The following EPHA6 variants were observed in gnomAD, a reference collection of about 807,000 sequenced individuals.
The protein encoded by EPHA6 is EPH receptor A6.
EPHA6 carries 50 observed loss-of-function variants against 112.0 expected under a neutral mutation model. The ratio of observed to expected loss-of-function variants is 0.45; its 90% CI spans 0.36 to 0.56. EPHA6 has a LOEUF of 0.56. Ranked by LOEUF, EPHA6 falls within the 20% of genes least tolerant of loss-of-function variation. The probability of loss-of-function intolerance (pLI) is 0.00; values close to 1 mark genes in which losing one functional copy is unlikely to be tolerated. For synonymous variants in EPHA6, 529 were observed against 490.7 expected (o/e 1.08, Z -1.03); for missense variants, 1,280 against 1,417.4 (o/e 0.90, Z 1.56).
intron 2 of EPHA6, among the ~76,000 whole-genome samples, chr3:96,877,800 C>T (rs572254918): frequency 5.5e-4 from 84 of 151,830 alleles, no homozygotes; most frequent in Middle Eastern, 3.4e-3. Context: ...TTAACTTAGT[C>T]TTCTTCTTCC....
At chr3:97,608,366 G>T (rs528397108) in intron 12 of EPHA6, among the ~76,000 whole-genome samples, 1 of 151,348 alleles carries the variant, frequency 6.6e-6, no homozygotes, top group East Asian at 1.9e-4. Flanking sequence ...ACTCCAGAGT[G>T]AGTTTCTTAG....
intron 6 of EPHA6, among the ~76,000 whole-genome samples, chr3:97,434,687 A>G (rs965378083): frequency 1.6e-4 from 24 of 152,182 alleles, no homozygotes; most frequent in Non-Finnish European, 2.2e-4. Flanking sequence ...CTTAAAAATT[A>G]TAATTCATAA....
At chr3:97,293,578 G>A (rs1031541697) in intron 5 of EPHA6, among the ~76,000 whole-genome samples, 2 of 152,238 alleles carry the variant, frequency 1.3e-5, no homozygotes, top group Non-Finnish European at 1.5e-5. Flanking sequence ...ATCTGTGTGA[G>A]TCTGATTCCA....
intron 3 of EPHA6, among the ~76,000 whole-genome samples, chr3:97,064,124 A>G (rs780128566): frequency 3.3e-5 from 5 of 152,186 alleles, no homozygotes; most frequent in Non-Finnish European, 5.9e-5. Context: ...AAATTTTTGC[A>G]TACACTCAGA....
intron 4 of EPHA6, among the ~76,000 whole-genome samples, chr3:97,242,276 G>T (rs539048415): frequency 1.0e-3 from 159 of 151,818 alleles, no homozygotes; most frequent in African/African-American, 3.6e-3. Flanking sequence ...CTTACTTCAT[G>T]CATTCTCCCT....
At chr3:97,273,679 GA>G (rs1402523860) in intron 5 of EPHA6, among the ~76,000 whole-genome samples, 2 of 152,090 alleles carry the variant, frequency 1.3e-5, no homozygotes, top group Non-Finnish European at 2.9e-5. Context: ...GACCGTAGGG[GA>G]TATAAAGGTT....
At chr3:97,164,570 G>T (rs1011671303) in intron 3 of EPHA6, among the ~76,000 whole-genome samples, 1 of 151,924 alleles carries the variant, frequency 6.6e-6, no homozygotes, top group African/African-American at 2.4e-5. Context: ...ATTTAAAATT[G>T]TGAATTGGAA....
chr3:97,510,933 G>A (rs190077527), intron 10 of EPHA6, among the ~76,000 whole-genome samples: 1 of 152,338 alleles, frequency 6.6e-6, no homozygotes, highest in South Asian at 2.1e-4. Context: ...GCAGCTTTGC[G>A]GAGTTGTGGT....
chr3:96,965,104 T>G (rs1321818399), intron 2 of EPHA6, among the ~76,000 whole-genome samples: 1 of 152,138 alleles, frequency 6.6e-6, no homozygotes, highest in Non-Finnish European at 1.5e-5. Flanking sequence ...TTGAACACAG[T>G]TTGAACACTT....
At chr3:97,271,790 A>T (rs2079891129) in intron 5 of EPHA6, among the ~76,000 whole-genome samples, 1 of 152,210 alleles carries the variant, frequency 6.6e-6, no homozygotes, top group African/African-American at 2.4e-5. Flanking sequence ...GTAGTCAAAA[A>T]TGGCCACTTC....
At chr3:97,742,440 A>T (rs2035544332) in intron 16 of EPHA6, among the ~76,000 whole-genome samples, 1 of 152,140 alleles carries the variant, frequency 6.6e-6, no homozygotes. Context: ...TGTTCCTCTT[A>T]ATGTTCAAAC....
intron 5 of EPHA6, among the ~76,000 whole-genome samples, chr3:97,252,395 C>CTACACACACACACTCACACACA (rs1409967418): frequency 6.6e-6 from 1 of 152,096 alleles, no homozygotes; most frequent in Non-Finnish European, 1.5e-5. Context: ...GCAGAAACAG[C>CTACACACACACACTCACACACA]TACACACACA....
chr3:97,198,154 T>C (rs570481603), intron 3 of EPHA6, among the ~76,000 whole-genome samples: 324 of 152,242 alleles, frequency 2.1e-3, no homozygotes, highest in African/African-American at 7.4e-3. Flanking sequence ...TGATTTTTGT[T>C]CCTCCAAAGA....
chr3:97,705,210 G>T (rs931295730), intron 14 of EPHA6, among the ~76,000 whole-genome samples: 2 of 151,882 alleles, frequency 1.3e-5, no homozygotes, highest in Non-Finnish European at 2.9e-5. Flanking sequence ...ACTTCTCTCA[G>T]TATCTCTAAA....
At chr3:97,503,013 T>C (rs1244755568) in intron 10 of EPHA6, among the ~76,000 whole-genome samples, 1 of 151,582 alleles carries the variant, frequency 6.6e-6, no homozygotes, top group Non-Finnish European at 1.5e-5. Flanking sequence ...ATATAAGGTA[T>C]AAGTGAACAA....
chr3:96,887,709 A>G (rs2037712056), intron 2 of EPHA6, among the ~76,000 whole-genome samples: 1 of 152,060 alleles, frequency 6.6e-6, no homozygotes, highest in South Asian at 2.1e-4. Context: ...AAGGACCATC[A>G]GGTCAGGGCG....
chr3:97,687,576 G>A (rs1258720840), intron 14 of EPHA6, among the ~76,000 whole-genome samples: 1 of 152,162 alleles, frequency 6.6e-6, no homozygotes, highest in African/African-American at 2.4e-5. Flanking sequence ...TTTTTATACT[G>A]TATTTTCCTT....
chr3:97,536,416 A>G (rs1479964933), intron 11 of EPHA6, among the ~76,000 whole-genome samples: 1 of 152,228 alleles, frequency 6.6e-6, no homozygotes, highest in Non-Finnish European at 1.5e-5. Context: ...TAGATATGCC[A>G]ACTGTATCTA....
In EPHA6 at chr3:97,756,903, A is replaced by T. The variant is rs2036039948; in HGVS notation, c.*8202A>T. 6.6e-6 allele frequency among the ~76,000 whole-genome samples: 1 copy of T among 151,910 alleles called. No individual in the cohort carries two copies. The highest frequency in any genetic ancestry group is 2.4e-5 in the African/African-American group (1 of 41,440). On this transcript the variant is annotated 3_prime_UTR_variant, in exon 18 of 18. Coordinates refer to ENST00000389672, the MANE Select transcript of EPHA6 (RefSeq NM_001080448.3). ...AACATTGAATATATACAGGATATAA[A>T]TATCTTTGGGATATTTTACATAATC...
Sources: allele counts gnomAD v4.1 joint callset (sites outside exome capture counted in the v4.1 genomes callset), GRCh38; gene constraint gnomAD v4.1.1; transcripts MANE v1.5; gene names NCBI Gene and HGNC (gene_info 2026-07-23, HGNC 2026-07-21).